SLC22A24: variants seen among roughly 807,000 people sequenced by gnomAD.
The protein encoded by SLC22A24 is solute carrier family 22 member 24.
SLC22A24 carries 53 observed loss-of-function variants against 49.8 expected under a neutral mutation model. The ratio of observed to expected loss-of-function variants is 1.06; its 90% CI spans 0.85 to 1.34. The LOEUF is 1.34. Ranked by LOEUF, SLC22A24 falls within the 40% of genes most tolerant of loss-of-function variation. SLC22A24 has a pLI of 0.00. For synonymous variants in SLC22A24, 302 were observed against 256.4 expected, an observed-to-expected ratio of 1.18 and a Z score of -1.70; for missense variants, 786 against 675.9, an observed-to-expected ratio of 1.16 and a Z score of -1.81.
intron 6 of SLC22A24, among the ~76,000 whole-genome samples, chr11:63,094,595 C>G (rs2087041581): frequency 6.6e-6 from 1 of 152,162 alleles, no homozygotes; most frequent in Non-Finnish European, 1.5e-5. Flanking sequence ...ACAGTCCCAC[C>G]AACAGTGTGA....
chr11:63,101,906 A>G (rs570874470), intron 5 of SLC22A24, among the ~76,000 whole-genome samples: 2 of 152,094 alleles, frequency 1.3e-5, no homozygotes, highest in Non-Finnish European at 2.9e-5. Flanking sequence ...GAATACATGG[A>G]GATAAAGAGT....
At chr11:63,129,157 G>A (rs1161069951) in intron 2 of SLC22A24, among the ~76,000 whole-genome samples, 2 of 152,164 alleles carry the variant, frequency 1.3e-5, no homozygotes, top group East Asian at 3.8e-4. Context: ...TTTGTATAAG[G>A]TGTAAGGAAG....
intron 6 of SLC22A24, among the ~76,000 whole-genome samples, chr11:63,089,374 G>C (rs770762855): frequency 1.3e-5 from 2 of 152,158 alleles, no homozygotes; most frequent in Non-Finnish European, 2.9e-5. Context: ...AATACTAAGG[G>C]ATTTTGTCAC....
chr11:63,113,229 C>A (rs28823623), intron 4 of SLC22A24, among the ~76,000 whole-genome samples: 2 of 12,520 alleles, frequency 1.6e-4, no homozygotes, highest in Non-Finnish European at 2.1e-4. Context: ...TATATATATA[C>A]ATATATATAT....
At chr11:63,138,215 T>C (rs1053660524) in intron 1 of SLC22A24, among the ~76,000 whole-genome samples, 3 of 152,190 alleles carry the variant, frequency 2.0e-5, no homozygotes, top group Non-Finnish European at 2.9e-5. Flanking sequence ...TTTTGTGTCC[T>C]TAAGAGCTCA....
At chr11:63,114,935 C>A (rs2087200966) in intron 4 of SLC22A24, among the ~76,000 whole-genome samples, 1 of 152,192 alleles carries the variant, frequency 6.6e-6, no homozygotes, top group African/African-American at 2.4e-5. Context: ...CCTCTGGAAG[C>A]TTCGTCTCAG....
At chr11:63,098,227 G>A (rs2087067688) in intron 5 of SLC22A24, among the ~76,000 whole-genome samples, 1 of 152,068 alleles carries the variant, frequency 6.6e-6, no homozygotes, top group Non-Finnish European at 1.5e-5. Context: ...AATGACCAGT[G>A]GGTTAATGAA....
chr11:63,090,120 T>A (rs1294310043), intron 6 of SLC22A24, among the ~76,000 whole-genome samples: 8 of 145,410 alleles, frequency 5.5e-5, no homozygotes, highest in African/African-American at 1.8e-4. Flanking sequence ...AAGAATGGCA[T>A]TACATAATGG....
chr11:63,138,961 G>T (rs1590752853), intron 1 of SLC22A24, among the ~76,000 whole-genome samples: 1 of 152,142 alleles, frequency 6.6e-6, no homozygotes, highest in Non-Finnish European at 1.5e-5. Context: ...AAGCACCTAG[G>T]AGGTTACCTT....
chr11:63,089,083 G>A (rs1471451124), intron 6 of SLC22A24, among the ~76,000 whole-genome samples: 2 of 152,086 alleles, frequency 1.3e-5, no homozygotes, highest in Non-Finnish European at 2.9e-5. Flanking sequence ...ACAACACTAA[G>A]ATACTCCTCA....
chr11:63,137,686 C>T (rs971601723), intron 1 of SLC22A24, among the ~76,000 whole-genome samples: 7 of 152,144 alleles, frequency 4.6e-5, no homozygotes, highest in Non-Finnish European at 5.9e-5. Flanking sequence ...ACCCATGCAG[C>T]CCATTGGGCA....
intron 4 of SLC22A24, among the ~76,000 whole-genome samples, chr11:63,107,582 C>T (rs7125972): frequency 0.79 from 120,485 of 152,076 alleles, 48,928 homozygotes; most frequent in East Asian, 0.9. Context: ...TGTTTTTCCA[C>T]TTGTTTGTGT....
At chr11:63,114,446 A>G (rs1052949064) in intron 4 of SLC22A24, among the ~76,000 whole-genome samples, 6 of 151,902 alleles carry the variant, frequency 3.9e-5, no homozygotes, top group African/African-American at 1.4e-4. Context: ...TACACTGTTT[A>G]GCCATCATCT....
chr11:63,125,454 A>G (rs929646887), intron 2 of SLC22A24, among the ~76,000 whole-genome samples: 11 of 152,126 alleles, frequency 7.2e-5, no homozygotes, highest in African/African-American at 1.2e-4. Context: ...GATGGTTTCT[A>G]GCTTCATCCA....
chr11:63,114,997 C>T (rs1193512413), intron 4 of SLC22A24, among the ~76,000 whole-genome samples: 1 of 152,184 alleles, frequency 6.6e-6, no homozygotes, highest in South Asian at 2.1e-4. Context: ...GGAGGTGTCT[C>T]CCAGTTAGGC....
rs1590742919 is a variant in SLC22A24, at chr11:63,118,654, A to C, written c.830+258T>G. On this transcript the variant is annotated intron_variant, in intron 4 of 9. Coordinates refer to ENST00000612278, the MANE Select transcript of SLC22A24 (RefSeq NM_001136506.2). ...GATAAATAATACATTTGCTTCAAAA[A>C]TAAGTGGGTATTTTTTCTATTAAGA... 3 of 548,426 alleles carry C rather than the reference A, an allele frequency of 5.5e-6. No individual in the cohort carries two copies. In the East Asian group the frequency reaches 8.5e-5, roughly 16 times the overall value. The allele number at this position is 548,426 out of a possible 1,614,324, so 34.0% of individuals were successfully genotyped here.
At chr11:63,116,662 A>G (rs2087215178) in intron 4 of SLC22A24, among the ~76,000 whole-genome samples, 1 of 152,060 alleles carries the variant, frequency 6.6e-6, no homozygotes, top group Non-Finnish European at 1.5e-5. Context: ...ATTAGCCATT[A>G]TTTTTAAAAA....
chr11:63,081,082 C>G lies in SLC22A24; in HGVS notation c.1436G>C (p.Gly479Ala). Residue 479 changes from glycine (G) to alanine (A), a missense_variant, in exon 9 of 10, where the codon GGG (glycine) becomes GCG (alanine). Coordinates refer to ENST00000612278, the MANE Select transcript of SLC22A24 (RefSeq NM_001136506.2). ...CATCAACAGAGGAGCCAGTGCTGCC[C>G]CAGTCCTACCGGACACTGCATTGAT... Reference protein sequence around the residue: ...AGINAVSGRTGAALAPLLMTL... With the variant: ...AGINAVSGRTAAALAPLLMTL... 6.4e-7 allele frequency: 1 copy of G among 1,551,640 alleles called. No homozygotes were observed. The highest frequency in any genetic ancestry group is 2.4e-5 in the East Asian group (1 of 40,922).
intron 2 of SLC22A24, among the ~76,000 whole-genome samples, chr11:63,131,013 C>A (rs1250198901): frequency 6.6e-6 from 1 of 151,972 alleles, no homozygotes; most frequent in Admixed American, 6.6e-5. Flanking sequence ...GAATTGATCC[C>A]TTTACCATTA....
Sources: gnomAD v4.1 joint callset for allele counts (sites outside exome capture counted in the v4.1 genomes callset) on GRCh38, gnomAD v4.1.1 for gene constraint, MANE v1.5 for transcripts, NCBI Gene and HGNC (gene_info 2026-07-23, HGNC 2026-07-21) for gene names.